SERINC3: variants seen among roughly 807,000 people sequenced by gnomAD.
The protein encoded by SERINC3 is serine incorporator 3.
Under a neutral mutation model 52.1 loss-of-function variants are expected in SERINC3, and 22 were observed. That is an observed-to-expected ratio of 0.42 (90% CI 0.30 to 0.60). The LOEUF (loss-of-function observed/expected upper bound fraction) is 0.60. Among genes scored for constraint, SERINC3 ranks in the 20% least tolerant of loss-of-function variants. The pLI is 0.16. For missense variants in SERINC3, 564 were observed against 584.6 expected (o/e 0.96, Z 0.36); for synonymous variants, 226 against 212.7 (o/e 1.06, Z -0.54).
At chr20:44,513,679 G>A (rs966443407) in intron 2 of SERINC3, among the ~76,000 whole-genome samples, 200 bp downstream of exon 2, 4 of 152,056 alleles carry the variant, frequency 2.6e-5, no homozygotes, top group Non-Finnish European at 1.5e-5. Flanking sequence ...TCAGTTGTTC[G>A]ACTGGAGCCC....
intron 3 of SERINC3, among the ~76,000 whole-genome samples, chr20:44,511,974 A>C (rs1337817910): frequency 1.3e-5 from 2 of 152,188 alleles, no homozygotes; most frequent in Non-Finnish European, 2.9e-5. Flanking sequence ...TAAAAAGGGG[A>C]TTATAATACA....
At position 44,499,133 on chromosome 20, in the gene SERINC3, G is replaced by C. The variant is rs898635803; in HGVS notation, c.*1163C>G. 11 of 152,426 alleles carry C rather than the reference G, an allele frequency of 7.2e-5. No individual in the cohort carries two copies. The highest frequency in any genetic ancestry group is 6.5e-4 in the Admixed American group (10 of 15,296). 9.4% of individuals were successfully genotyped at this position (152,426 alleles called of 1,614,324 possible). On this transcript the variant is annotated 3_prime_UTR_variant, in exon 10 of 10. Coordinates refer to ENST00000342374, the MANE Select transcript of SERINC3 (RefSeq NM_006811.4). ...TCTCTAAGCTATTAAAGTCCAAGAC[G>C]GCAGAGCCTCTATCATGTTTAACAC...
chr20:44,512,702 T>C (rs1312557580), intron 3 of SERINC3, 99 bp downstream of exon 3: 2 of 941,524 alleles, frequency 2.1e-6, no homozygotes, highest in East Asian at 6.1e-5. Context: ...GCCACTCATT[T>C]ACATATTCCA....
chr20:44,506,379 G>GA (rs1259388244), intron 6 of SERINC3, among the ~76,000 whole-genome samples: 3 of 151,032 alleles, frequency 2.0e-5, no homozygotes, highest in Middle Eastern at 3.2e-3. Context: ...GGATCACGAG[G>GA]TCAAGAGTTC....
intron 8 of SERINC3, among the ~76,000 whole-genome samples, chr20:44,502,048 T>C (rs975929636): frequency 3.9e-5 from 6 of 152,188 alleles, no homozygotes; most frequent in Admixed American, 2.0e-4. Flanking sequence ...GACTAAAAAC[T>C]TTCCCCCTGA....
rs571732153 is a variant in SERINC3, at chr20:44,513,052, C to T, written c.202-58G>A. On this transcript the variant is annotated intron_variant, in intron 2 of 9. Transcript: ENST00000342374. ...ATCTACATTTAGACAGAGACTCTAA[C>T]CCACTGCAGGAAAGCCTGGATTTAG... 6.7e-6 allele frequency: 8 copies of T among 1,190,658 alleles called. No individual in the cohort carries two copies. In the East Asian group the frequency reaches 2.0e-4, roughly 29 times the overall value. The allele number at this position is 1,190,658 out of a possible 1,614,324, so 73.8% of individuals were successfully genotyped here.
chr20:44,516,198 A>G (rs2064379728), intron 1 of SERINC3, among the ~76,000 whole-genome samples: 1 of 151,760 alleles, frequency 6.6e-6, no homozygotes, highest in Non-Finnish European at 1.5e-5. Flanking sequence ...GCTACTCAGG[A>G]GGCTGAGGCA....
At chr20:44,503,001 G>T (rs927512733) in intron 8 of SERINC3, among the ~76,000 whole-genome samples, 4 of 152,108 alleles carry the variant, frequency 2.6e-5, no homozygotes, top group African/African-American at 9.7e-5. Context: ...ACTTAGAATT[G>T]TATTTAGAAT....
intron 6 of SERINC3, among the ~76,000 whole-genome samples, chr20:44,506,584 CAAAAAAAAAA>C (rs1191331026): frequency 1.1e-3 from 15 of 14,256 alleles, no homozygotes; most frequent in African/African-American, 2.9e-3. Context: ...GACTCCATCT[CAAAAAAAAAA>C]AAAAAAAAAA....
chr20:44,521,986 G>C lies in SERINC3; in HGVS notation c.-35C>G. On this transcript the variant is annotated 5_prime_UTR_variant, in exon 1 of 10. Transcript: ENST00000342374. Reference sequence around the variant, plus strand: ...AGTGATGGAGGTGGCCGGTCCTGAGGCTGCTTTCTAACACGGTGGTAACTG... The same window carrying C: ...AGTGATGGAGGTGGCCGGTCCTGAGCCTGCTTTCTAACACGGTGGTAACTG... 2 of 1,594,748 alleles carry C rather than the reference G, an allele frequency of 1.3e-6. No homozygotes were observed. Among genetic ancestry groups the C allele is most frequent in the Non-Finnish European group, 8.5e-7 (1 of 1,170,628 alleles).
intron 1 of SERINC3, among the ~76,000 whole-genome samples, chr20:44,518,624 G>A (rs1442064031): frequency 6.6e-6 from 1 of 152,078 alleles, no homozygotes; most frequent in Non-Finnish European, 1.5e-5. Context: ...AAACCTATTT[G>A]TTCTTCTCAT....
At chr20:44,509,599 G>C (rs1016752518) in intron 5 of SERINC3, among the ~76,000 whole-genome samples, 1 of 152,094 alleles carries the variant, frequency 6.6e-6, no homozygotes, top group African/African-American at 2.4e-5. Context: ...CATGATGATA[G>C]CTTACTGCAG....
intron 2 of SERINC3, among the ~76,000 whole-genome samples, chr20:44,513,664 TTC>T (rs1483817350): frequency 6.6e-6 from 1 of 152,300 alleles, no homozygotes; most frequent in African/African-American, 2.4e-5. Context: ...TTTTAATGTT[TTC>T]TCTCAGTTGT....
chr20:44,514,692 C>G (rs778082747), intron 1 of SERINC3, among the ~76,000 whole-genome samples: 1 of 152,034 alleles, frequency 6.6e-6, no homozygotes, highest in African/African-American at 2.4e-5. Context: ...ACCCAGGAGG[C>G]GGAGCTCACA....
intron 9 of SERINC3, 68 bp from the exon 10 acceptor site, chr20:44,500,502 C>A: frequency 6.5e-7 from 1 of 1,536,544 alleles, no homozygotes. Flanking sequence ...CTCCTGCAGC[C>A]CCCCAGCCAA....
At chr20:44,512,325 CAAAAA>C (rs920134707) in intron 3 of SERINC3, among the ~76,000 whole-genome samples, 2 of 49,344 alleles carry the variant, frequency 4.1e-5, no homozygotes. Context: ...AAAAACAAAA[CAAAAA>C]AAAAAAAAAA....
rs1051232633 is a variant in SERINC3 at position 44,498,575 on chromosome 20, CAAAAAA to C, written c.*1715_*1720del. 7.2e-6 allele frequency: 1 copy of C among 138,412 alleles called. No homozygotes were observed. The highest frequency in any genetic ancestry group is 1.6e-5 in the Non-Finnish European group (1 of 63,942). The allele number at this position is 138,412 out of a possible 1,614,324, so 8.6% of individuals were successfully genotyped here. On this transcript the variant is annotated 3_prime_UTR_variant, in exon 10 of 10. Coordinates refer to ENST00000342374, the MANE Select transcript of SERINC3 (RefSeq NM_006811.4). ...TGGGCGACAGAGCAAGACTCCGTCTCAAAAAAAAAAATTAAAATTGAAAAAAAAAAA... is the reference window on the plus strand; with the variant it reads ...TGGGCGACAGAGCAAGACTCCGTCTCAAAAATTAAAATTGAAAAAAAAAAA...
rs1318188397 is a variant in SERINC3, at chr20:44,503,807, T to G, written c.1055+8A>C. 1.3e-6 allele frequency: 2 copies of G among 1,523,902 alleles called. No individual in the cohort carries two copies. Among genetic ancestry groups the G allele is most frequent in the Non-Finnish European group, 1.7e-6 (2 of 1,143,280 alleles). 94.4% of individuals were successfully genotyped at this position (1,523,902 alleles called of 1,614,324 possible). A position where few individuals can be genotyped will look rare whatever the true frequency, so the allele number is the denominator to read the frequency against. ...TGAAAATCTTGTTCTAAGTACCTTT[T>G]AACTTACCTAGAATACAAGAGGCAG... On this transcript the variant is annotated splice_region_variant and intron_variant, in intron 8 of 9. Coordinates refer to ENST00000342374, the MANE Select transcript of SERINC3 (RefSeq NM_006811.4).
At chr20:44,496,784 A>G (rs2064251589), downstream of SERINC3, among the ~76,000 whole-genome samples, 4 of 152,006 alleles carry the variant, frequency 2.6e-5, no homozygotes, top group South Asian at 6.2e-4. Context: ...ACAGAGCAAA[A>G]CTCTGTCTAA....
Sources: allele counts gnomAD v4.1 joint callset (sites outside exome capture counted in the v4.1 genomes callset), GRCh38; gene constraint gnomAD v4.1.1; transcripts MANE v1.5; gene names NCBI Gene and HGNC (gene_info 2026-07-23, HGNC 2026-07-21).